The following ABCC11 variants were observed in gnomAD, a reference collection of about 807,000 sequenced individuals.
The protein encoded by ABCC11 is ATP-binding cassette sub-family C member 11.
A neutral mutation model predicts 149.3 loss-of-function variants in ABCC11; 135 were observed. The ratio of observed to expected loss-of-function variants is 0.90; its 90% CI spans 0.79 to 1.04. The LOEUF is 1.04. Ranked by LOEUF, ABCC11 falls within the 50% of genes least tolerant of loss-of-function variation. The pLI, the probability that ABCC11 is intolerant of heterozygous loss-of-function variation, is 0.00. For synonymous variants in ABCC11, 665 were observed against 671.4 expected, an observed-to-expected ratio of 0.99 and a Z score of 0.15; for missense variants, 1,680 against 1,722.1, an observed-to-expected ratio of 0.98 and a Z score of 0.43.
intron 22 of ABCC11, 137 bp from the exon 23 acceptor site, chr16:48,184,763 G>C (rs1966654848): frequency 1.2e-6 from 1 of 865,782 alleles, no homozygotes; most frequent in Admixed American, 2.8e-5. Context: ...TCTTTGGGGA[G>C]TTCCTCCCTA....
chr16:48,206,733 A>C (rs1397226411), intron 12 of ABCC11, among the ~76,000 whole-genome samples: 1 of 152,158 alleles, frequency 6.6e-6, no homozygotes, highest in Non-Finnish European at 1.5e-5. Flanking sequence ...TGTAGAACAG[A>C]GCTCTGACCT....
At chr16:48,245,327 A>G (rs577415442) in intron 1 of ABCC11, among the ~76,000 whole-genome samples, 1 of 152,072 alleles carries the variant, frequency 6.6e-6, no homozygotes, top group African/African-American at 2.4e-5. Context: ...ATTGCCCAGT[A>G]CCCTCGCCCT....
intron 26 of ABCC11, among the ~76,000 whole-genome samples, chr16:48,171,892 G>T (rs938742542): frequency 6.6e-6 from 1 of 152,196 alleles, no homozygotes; most frequent in African/African-American, 2.4e-5. Flanking sequence ...AAACCCAGGA[G>T]GTGGAGGTTG....
At chr16:48,182,511 G>A (rs1456767799) in intron 23 of ABCC11, among the ~76,000 whole-genome samples, 1 of 152,116 alleles carries the variant, frequency 6.6e-6, no homozygotes, top group Non-Finnish European at 1.5e-5. Flanking sequence ...GGGGCGCGGT[G>A]GCTCACACCT....
intron 6 of ABCC11, among the ~76,000 whole-genome samples, chr16:48,216,599 T>C (rs913429909): frequency 3.9e-5 from 6 of 152,188 alleles, no homozygotes; most frequent in African/African-American, 1.4e-4. Flanking sequence ...ATAAAAGGGA[T>C]ATTTTACTAC....
chr16:48,182,866 A>G (rs1966533014), intron 23 of ABCC11, among the ~76,000 whole-genome samples: 1 of 151,738 alleles, frequency 6.6e-6, no homozygotes, highest in Non-Finnish European at 1.5e-5. Flanking sequence ...GTGGCTTTGG[A>G]TAAATTGGTT....
chr16:48,170,734 A>G (rs1408924097), intron 27 of ABCC11, among the ~76,000 whole-genome samples, 155 bp downstream of exon 27: 1 of 152,166 alleles, frequency 6.6e-6, no homozygotes, highest in Non-Finnish European at 1.5e-5. Context: ...ATCAGCCTTG[A>G]CTTAGGAATG....
At chr16:48,239,061 C>A (rs1346620162) in intron 1 of ABCC11, among the ~76,000 whole-genome samples, 1 of 150,234 alleles carries the variant, frequency 6.7e-6, no homozygotes, top group Non-Finnish European at 1.5e-5. Flanking sequence ...TAGTAGAATT[C>A]TAAATAATAA....
intron 3 of ABCC11, among the ~76,000 whole-genome samples, chr16:48,228,422 T>C (rs1042470949): frequency 2.6e-5 from 4 of 151,996 alleles, no homozygotes; most frequent in African/African-American, 9.7e-5. Context: ...TGTGAAACCC[T>C]GTATCTACTA....
At chr16:48,184,327 G>C in intron 23 of ABCC11, 113 bp downstream of exon 23, 1 of 1,291,262 alleles carries the variant, frequency 7.7e-7, no homozygotes, top group Non-Finnish European at 1.1e-6. Context: ...GATCACACGT[G>C]GCCAGAGCCT....
Position 48,227,852 on chromosome 16 carries a change from T to C in ABCC11, c.349A>G (p.Ile117Val). ...GCATCATGGACTGACAGTGGAGGGA[T>C]GGTGTTCTCATCTAAGCGACTCCGT... Reference protein sequence around the residue: ...SLRSRLDENTIPPLSVHDASD... With the variant: ...SLRSRLDENTVPPLSVHDASD... The change falls in exon 4 of 30, where the codon ATC becomes GTC. Residue 117 changes from isoleucine to valine, a missense_variant. By Grantham distance (29) the Ile-to-Val change is conservative. Coordinates refer to ENST00000356608, the MANE Select transcript of ABCC11 (RefSeq NM_001370497.1). 1.2e-6 allele frequency: 2 copies of C among 1,614,040 alleles called. No individual in the cohort carries two copies. The highest frequency in any genetic ancestry group is 1.7e-6 in the Non-Finnish European group (2 of 1,179,968).
chr16:48,193,619 TGG>T (rs1967114419), intron 19 of ABCC11, among the ~76,000 whole-genome samples: 1 of 152,186 alleles, frequency 6.6e-6, no homozygotes, highest in Non-Finnish European at 1.5e-5. Flanking sequence ...CAAAGATTCT[TGG>T]GGCACTGTCT....
At chr16:48,199,646 T>TTTTTC (rs1040110599) in intron 15 of ABCC11, among the ~76,000 whole-genome samples, 5 of 151,246 alleles carry the variant, frequency 3.3e-5, no homozygotes, top group Admixed American at 6.6e-5. Context: ...GATTGGTTTC[T>TTTTTC]TTTTCTTTTC....
At chr16:48,217,091 T>C (rs1295119691) in intron 6 of ABCC11, among the ~76,000 whole-genome samples, 1 of 152,108 alleles carries the variant, frequency 6.6e-6, no homozygotes, top group Non-Finnish European at 1.5e-5. Context: ...GCTTTTCTTT[T>C]CTCAAAAACC....
At chr16:48,215,781 G>A (rs949397900) in intron 7 of ABCC11, among the ~76,000 whole-genome samples, 1 of 152,180 alleles carries the variant, frequency 6.6e-6, no homozygotes, top group African/African-American at 2.4e-5. Flanking sequence ...AATGTTAAAT[G>A]CTGGCTGTGT....
intron 20 of ABCC11, among the ~76,000 whole-genome samples, chr16:48,188,149 GC>G (rs1966841876): frequency 6.6e-6 from 1 of 152,214 alleles, no homozygotes; most frequent in African/African-American, 2.4e-5. Flanking sequence ...CTGAGCTGCA[GC>G]TCTCAGCACA....
intron 23 of ABCC11, among the ~76,000 whole-genome samples, chr16:48,179,525 T>G (rs1966296577): frequency 6.6e-6 from 1 of 152,174 alleles, no homozygotes; most frequent in African/African-American, 2.4e-5. Flanking sequence ...TAATCATACA[T>G]TCATTCAACA....
intron 22 of ABCC11, 42 bp downstream of exon 22, chr16:48,186,911 C>G (rs368123925): frequency 5.0e-6 from 8 of 1,611,090 alleles, no homozygotes; most frequent in Non-Finnish European, 6.8e-6. Context: ...CCCCACCACC[C>G]CTGTGGTTCC....
chr16:48,178,478 G>A (rs1208916677), intron 24 of ABCC11, 119 bp downstream of exon 24: 1 of 900,858 alleles, frequency 1.1e-6, no homozygotes, highest in Non-Finnish European at 1.7e-6. Context: ...GAAAGGCCAG[G>A]AGCCTGGTGT....
Sources: allele counts gnomAD v4.1 joint callset (sites outside exome capture counted in the v4.1 genomes callset), GRCh38; gene constraint gnomAD v4.1.1; transcripts MANE v1.5; gene names NCBI Gene and HGNC (gene_info 2026-07-23, HGNC 2026-07-21).